ARSB: variants seen among roughly 807,000 people sequenced by gnomAD.
ARSB encodes N-acetylgalactosamine-4-sulfatase.
ARSB carries 41 observed loss-of-function variants against 50.9 expected under a neutral mutation model. The ratio of observed to expected loss-of-function variants is 0.81; its 90% CI spans 0.63 to 1.04. The LOEUF (loss-of-function observed/expected upper bound fraction) is 1.04, where lower values mean the gene tolerates loss of function less well. ARSB is among the 50% of genes least tolerant of loss of function. The pLI is 0.00. For synonymous variants in ARSB, 269 were observed against 284.8 expected (o/e 0.94, Z 0.56); for missense variants, 672 against 693.3 (o/e 0.97, Z 0.35).
At chr5:78,866,195 C>T (rs1285417611) in intron 5 of ARSB, among the ~76,000 whole-genome samples, 1 of 152,158 alleles carries the variant, frequency 6.6e-6, no homozygotes, top group Admixed American at 6.6e-5. Context: ...TTTATTTGGA[C>T]TTACAGTTTC....
At chr5:78,970,832 G>A (rs1752422911) in intron 1 of ARSB, among the ~76,000 whole-genome samples, 1 of 152,124 alleles carries the variant, frequency 6.6e-6, no homozygotes, top group Admixed American at 6.6e-5. Flanking sequence ...ATGGTGGCCT[G>A]TGCCTGTAGT....
In ARSB at chr5:78,819,489, T is replaced by C. The variant is rs541612725; in HGVS notation, c.1213+19867A>G. 5.3e-4 allele frequency among the ~76,000 whole-genome samples: 80 copies of C among 152,380 alleles called. 1 individual carries two copies. In the South Asian group the frequency reaches 5.4e-3, roughly 10 times the overall value. On this transcript the variant is annotated intron_variant, in intron 6 of 7. Transcript: ENST00000264914. ...GAAAAGGTGTCATGAAGATAAAATATGCAGTAAATTCTGAATCATGAAGGA... is the reference window on the plus strand; with the variant it reads ...GAAAAGGTGTCATGAAGATAAAATACGCAGTAAATTCTGAATCATGAAGGA...
chr5:78,867,145 C>G (rs1002702222), intron 5 of ARSB, among the ~76,000 whole-genome samples: 4 of 152,204 alleles, frequency 2.6e-5, no homozygotes, highest in African/African-American at 9.7e-5. Context: ...GACTATATCC[C>G]ACACCTGGCT....
intron 6 of ARSB, among the ~76,000 whole-genome samples, chr5:78,791,165 C>T (rs908343731): frequency 6.6e-6 from 1 of 152,188 alleles, no homozygotes; most frequent in East Asian, 1.9e-4. Flanking sequence ...AACTTACTCA[C>T]TTGGGCTAAG....
chr5:78,847,960 C>T (rs1428169817), intron 5 of ARSB, among the ~76,000 whole-genome samples: 1 of 151,960 alleles, frequency 6.6e-6, no homozygotes, highest in African/African-American at 2.4e-5. Context: ...CTTGATTCAT[C>T]TAGCTAATTA....
chr5:78,973,688 G>T (rs1469963267), intron 1 of ARSB, among the ~76,000 whole-genome samples: 1 of 152,086 alleles, frequency 6.6e-6, no homozygotes, highest in Non-Finnish European at 1.5e-5. Flanking sequence ...TATCTATATG[G>T]GAGTTCAGAG....
intron 5 of ARSB, among the ~76,000 whole-genome samples, chr5:78,841,168 C>CTAATAATAATAA (rs1554074343): frequency 2.8e-4 from 37 of 131,998 alleles, no homozygotes; most frequent in African/African-American, 5.4e-4. Context: ...ACTACTACTA[C>CTAATAATAATAA]TAATAATAAT....
At chr5:78,845,443 G>T (rs1745403110) in intron 5 of ARSB, among the ~76,000 whole-genome samples, 1 of 152,006 alleles carries the variant, frequency 6.6e-6, no homozygotes, top group South Asian at 2.1e-4. Context: ...AGTTTTTTGA[G>T]GAGCCTTCAT....
At chr5:78,862,153 A>G (rs960012309) in intron 5 of ARSB, among the ~76,000 whole-genome samples, 1 of 152,202 alleles carries the variant, frequency 6.6e-6, no homozygotes, top group African/African-American at 2.4e-5. Context: ...ATGCTCATGG[A>G]TAGGAAGAAT....
chr5:78,955,129 T>C (rs1423443410), intron 4 of ARSB, among the ~76,000 whole-genome samples, 166 bp downstream of exon 4: 2 of 152,244 alleles, frequency 1.3e-5, no homozygotes, highest in East Asian at 1.9e-4. Context: ...CATCATTCTT[T>C]TTCCTTAGAT....
chr5:78,885,466 A>T, intron 5 of ARSB, 118 bp downstream of exon 5: 1 of 1,442,686 alleles, frequency 6.9e-7, no homozygotes, highest in South Asian at 1.3e-5. Flanking sequence ...TTTCTTAAAA[A>T]TCATGTATTT....
intron 6 of ARSB, among the ~76,000 whole-genome samples, chr5:78,820,448 C>T (rs949327154): frequency 4.6e-5 from 7 of 151,980 alleles, no homozygotes; most frequent in African/African-American, 1.7e-4. Flanking sequence ...ATAGTCCCAC[C>T]TACTCGGGAG....
chr5:78,978,670 T>C (rs2112561175), intron 1 of ARSB, among the ~76,000 whole-genome samples: 1 of 152,260 alleles, frequency 6.6e-6, no homozygotes, highest in East Asian at 1.9e-4. Flanking sequence ...GGCATGTAGA[T>C]CAATGGAATA....
chr5:78,937,314 T>A (rs989763125), intron 4 of ARSB, among the ~76,000 whole-genome samples: 1 of 89,302 alleles, frequency 1.1e-5, no homozygotes, highest in Non-Finnish European at 2.3e-5. Flanking sequence ...ATATATCATA[T>A]ATATGTAAGA....
intron 4 of ARSB, among the ~76,000 whole-genome samples, chr5:78,943,380 CTTTACAATTTGGCATGTT>C (rs1434373702): frequency 1.3e-5 from 2 of 152,196 alleles, no homozygotes; most frequent in Non-Finnish European, 2.9e-5. Flanking sequence ...CCTCGATGGT[CTTTACAATTTGGCATGTT>C]TTTGCAGTGG....
chr5:78,961,484 G>A (rs1472852457), intron 3 of ARSB, among the ~76,000 whole-genome samples: 1 of 152,152 alleles, frequency 6.6e-6, no homozygotes, highest in African/African-American at 2.4e-5. Flanking sequence ...CCTACGAACA[G>A]CGGCTATGGT....
intron 6 of ARSB, among the ~76,000 whole-genome samples, chr5:78,787,253 G>A (rs919536811): frequency 6.6e-6 from 1 of 152,178 alleles, no homozygotes; most frequent in African/African-American, 2.4e-5. Flanking sequence ...GCTGATCTAT[G>A]TCTATTCTTA....
intron 6 of ARSB, among the ~76,000 whole-genome samples, chr5:78,797,115 T>TG (rs1743213865): frequency 6.6e-6 from 1 of 152,150 alleles, no homozygotes. Context: ...CCTGACCTCG[T>TG]GATCCGCCCG....
At chr5:78,857,793 G>C (rs1241306764) in intron 5 of ARSB, among the ~76,000 whole-genome samples, 1 of 152,174 alleles carries the variant, frequency 6.6e-6, no homozygotes. Context: ...TAGTGATGAA[G>C]ACCTACCTCT....
Sources: gnomAD v4.1 joint callset for allele counts (sites outside exome capture counted in the v4.1 genomes callset) on GRCh38, gnomAD v4.1.1 for gene constraint, MANE v1.5 for transcripts, NCBI Gene and HGNC (gene_info 2026-07-23, HGNC 2026-07-21) for gene names.